The following MMP26 variants were observed in gnomAD, a reference collection of about 807,000 sequenced individuals.
MMP26 encodes matrix metalloproteinase-26.
Under a neutral mutation model 31.0 loss-of-function variants are expected in MMP26, and 33 were observed. The observed-to-expected ratio is 1.06, with a 90% CI of 0.81 to 1.42. The LOEUF (loss-of-function observed/expected upper bound fraction) is 1.42, where lower values mean the gene tolerates loss of function less well. Ranked by LOEUF, MMP26 falls within the 40% of genes most tolerant of loss-of-function variation. MMP26 has a pLI of 0.00. For synonymous variants in MMP26, 122 were observed against 114.9 expected (o/e 1.06, Z -0.40); for missense variants, 347 against 316.1 (o/e 1.10, Z -0.74).
chr11:4,825,859 C>A lies in MMP26; in HGVS notation c.-145+58518C>A, dbSNP rs76979364. Among the ~76,000 whole-genome samples the A allele has an allele frequency of 2.0e-3, 307 of 152,200 alleles. 9 individuals carry two copies. The East Asian group carries it at 0.051, about 25-fold the overall frequency. On this transcript the variant is annotated intron_variant, in intron 2 of 7. Coordinates refer to ENST00000380390, the MANE Select transcript of MMP26 (RefSeq NM_021801.5). ...AGAAAGAATAAGATGATAGAAAACACCTCATTGAGTTTGATGCTGCGTTAA... is the reference window on the plus strand; with the variant it reads ...AGAAAGAATAAGATGATAGAAAACAACTCATTGAGTTTGATGCTGCGTTAA...
chr11:4,856,917 C>G lies in MMP26; in HGVS notation c.-145+89576C>G, dbSNP rs529027152. On this transcript the variant is annotated intron_variant, in intron 2 of 7. Coordinates refer to ENST00000380390, the MANE Select transcript of MMP26 (RefSeq NM_021801.5). ...CAAATTAGAACTCAGGATTAAGAAA[C>G]TCACTCAAAACCGCACAACTACATG... 2.6e-4 allele frequency among the ~76,000 whole-genome samples: 39 copies of G among 152,316 alleles called. 1 individual carries two copies. Among genetic ancestry groups the G allele is most frequent in the African/African-American group, 9.1e-4 (38 of 41,570 alleles).
chr11:4,848,635 C>T (rs1327381383), intron 2 of MMP26: 1 of 1,612,184 alleles, frequency 6.2e-7, no homozygotes, highest in Non-Finnish European at 8.5e-7. Context: ...AAACGAGCCA[C>T]ATCTGGATGC....
chr11:4,896,027 G>A (rs1399389926), intron 2 of MMP26, among the ~76,000 whole-genome samples: 1 of 151,672 alleles, frequency 6.6e-6, no homozygotes, highest in Admixed American at 6.6e-5. Flanking sequence ...TAAGCTTCCT[G>A]CACTTCCCAT....
intron 2 of MMP26, among the ~76,000 whole-genome samples, chr11:4,982,813 C>A (rs1454633991): frequency 6.6e-6 from 1 of 152,194 alleles, no homozygotes; most frequent in Non-Finnish European, 1.5e-5. Flanking sequence ...AAAACCTATA[C>A]TCTAATCAAA....
At chr11:4,796,244 A>G (rs1316534969) in intron 2 of MMP26, among the ~76,000 whole-genome samples, 1 of 152,170 alleles carries the variant, frequency 6.6e-6, no homozygotes, top group African/African-American at 2.4e-5. Flanking sequence ...CACTGCTTTA[A>G]ATTTCCTTTC....
At chr11:4,822,468 A>C in intron 2 of MMP26, 1 of 1,221,134 alleles carries the variant, frequency 8.2e-7, no homozygotes, top group South Asian at 3.1e-5. Context: ...TGCCTCCAAC[A>C]GTCCAAACTA....
intron 2 of MMP26, among the ~76,000 whole-genome samples, chr11:4,820,221 C>T (rs1009225568): frequency 2.0e-5 from 3 of 152,102 alleles, no homozygotes; most frequent in African/African-American, 4.8e-5. Flanking sequence ...TCTTCTACTG[C>T]CTAACTGCAT....
chr11:4,985,985 T>A (rs1452051051), intron 2 of MMP26, among the ~76,000 whole-genome samples: 1 of 152,224 alleles, frequency 6.6e-6, no homozygotes, highest in Non-Finnish European at 1.5e-5. Context: ...TCCCATGTCT[T>A]TAATTCAACA....
At chr11:4,961,550 C>A (rs1387453698) in intron 2 of MMP26, among the ~76,000 whole-genome samples, 3 of 152,178 alleles carry the variant, frequency 2.0e-5, no homozygotes, top group East Asian at 1.9e-4. Context: ...AATTTGGCAA[C>A]CATAAGCATC....
At chr11:4,821,086 T>C (rs966627353) in intron 2 of MMP26, among the ~76,000 whole-genome samples, 1 of 152,198 alleles carries the variant, frequency 6.6e-6, no homozygotes, top group Non-Finnish European at 1.5e-5. Flanking sequence ...TTTCTCATAA[T>C]ATTGTTTAGG....
At chr11:4,831,476 C>T (rs897556190) in intron 2 of MMP26, among the ~76,000 whole-genome samples, 6 of 152,312 alleles carry the variant, frequency 3.9e-5, no homozygotes, top group Admixed American at 3.3e-4. Context: ...GTATAATTTT[C>T]AGGCACATAT....
At chr11:4,960,708 A>C (rs61880626) in intron 2 of MMP26, among the ~76,000 whole-genome samples, 43,096 of 151,826 alleles carry the variant, frequency 0.28, 6,274 homozygotes, top group Middle Eastern at 0.41. Flanking sequence ...AGGCCAAAAT[A>C]CAGAAAATAC....
chr11:4,924,643 C>T (rs1218957888), intron 2 of MMP26, among the ~76,000 whole-genome samples: 2 of 152,070 alleles, frequency 1.3e-5, no homozygotes, highest in African/African-American at 2.4e-5. Flanking sequence ...TTTGGGACTT[C>T]GTTCTGAGAG....
intron 2 of MMP26, among the ~76,000 whole-genome samples, chr11:4,785,099 T>A (rs961651805): frequency 6.6e-6 from 1 of 152,124 alleles, no homozygotes; most frequent in Non-Finnish European, 1.5e-5. Flanking sequence ...GGTGTGACCA[T>A]CTCTGCAAAA....
intron 2 of MMP26, among the ~76,000 whole-genome samples, chr11:4,782,330 C>T (rs985282622): frequency 1.3e-5 from 2 of 152,158 alleles, no homozygotes; most frequent in Admixed American, 6.5e-5. Context: ...GCAAAGGTGA[C>T]TCTTGTTATG....
chr11:4,729,990 C>T (rs1407173994), intron 1 of MMP26, among the ~76,000 whole-genome samples: 2 of 151,776 alleles, frequency 1.3e-5, no homozygotes, highest in African/African-American at 2.4e-5. Flanking sequence ...TAATACAGCC[C>T]TCATTTTTGT....
chr11:4,915,793 C>G, intron 2 of MMP26: 1 of 595,574 alleles, frequency 1.7e-6, no homozygotes, highest in Non-Finnish European at 2.9e-6. Context: ...AACTGTGCAG[C>G]TCTTTCTAGT....
rs772481705 is a variant in MMP26 at position 4,882,009 on chromosome 11, A to G, written c.-144-106059A>G. On this transcript the variant is annotated intron_variant, in intron 2 of 7. Coordinates refer to ENST00000380390, the MANE Select transcript of MMP26 (RefSeq NM_021801.5). ...ATCTCCATTCCAGTCTGCTGTCTCT[A>G]CACCATTGCCCTCTTGGGAAACAGT... The G allele has an allele frequency of 5.6e-6, 9 of 1,613,738 alleles. No homozygotes were observed. In the Admixed American group the frequency reaches 1.5e-4, roughly 27 times the overall value.
intron 2 of MMP26, among the ~76,000 whole-genome samples, chr11:4,836,785 G>A (rs992684261): frequency 9.3e-5 from 14 of 149,890 alleles, no homozygotes; most frequent in East Asian, 5.9e-4. Context: ...TCAGCCTCCC[G>A]AGTAGCTGGG....
Sources: allele counts gnomAD v4.1 joint callset (sites outside exome capture counted in the v4.1 genomes callset), GRCh38; gene constraint gnomAD v4.1.1; transcripts MANE v1.5; gene names NCBI Gene and HGNC (gene_info 2026-07-23, HGNC 2026-07-21).